The following TMEM237 variants were observed in gnomAD, a reference collection of about 807,000 sequenced individuals.
TMEM237 encodes the protein transmembrane protein 237, also known as amyotrophic lateral sclerosis 2 (juvenile) chromosome region, candidate 4.
Under a neutral mutation model 59.1 loss-of-function variants are expected in TMEM237, and 51 were observed. The observed-to-expected ratio is 0.86, with a 90% CI of 0.69 to 1.09. The LOEUF (loss-of-function observed/expected upper bound fraction) is 1.09, where lower values mean the gene tolerates loss of function less well. Ranked by LOEUF, TMEM237 falls within the 50% of genes least tolerant of loss-of-function variation. The pLI is 0.00. For missense variants in TMEM237, 475 were observed against 478.3 expected, an observed-to-expected ratio of 0.99 and a Z score of 0.06; for synonymous variants, 140 against 166.1, an observed-to-expected ratio of 0.84 and a Z score of 1.21.
chr2:201,634,129 C>T (rs935338579), intron 5 of TMEM237, among the ~76,000 whole-genome samples: 7 of 151,520 alleles, frequency 4.6e-5, no homozygotes, highest in African/African-American at 1.7e-4. Flanking sequence ...ATCCAAGTTC[C>T]CAGATGCCAG....
chr2:201,627,229 C>G (rs918292546), intron 11 of TMEM237, 92 bp downstream of exon 11: 25 of 853,748 alleles, frequency 2.9e-5, no homozygotes, highest in African/African-American at 8.5e-5. Flanking sequence ...AAAAACAGAG[C>G]CTTCATTATT....
At chr2:201,638,697 T>C (rs1414519121) in intron 4 of TMEM237, 2 of 386,542 alleles carry the variant, frequency 5.2e-6, no homozygotes, top group Non-Finnish European at 9.2e-6. Context: ...AAACCATGTA[T>C]GTTGTCTGGG....
rs1475096128 is a variant in TMEM237 at position 201,624,034 on chromosome 2, A to C, written c.*221T>G. ...ACTTTCACTTGCTGGTTTCTAGTTC[A>C]TTATTCCCTTTGTCATTAAGATGAT... On this transcript the variant is annotated 3_prime_UTR_variant, in exon 13 of 13. Coordinates refer to ENST00000409883, the MANE Select transcript of TMEM237 (RefSeq NM_001044385.3). 1 of 382,246 alleles carries C rather than the reference A, an allele frequency of 2.6e-6. No individual in the cohort carries two copies. Among genetic ancestry groups the C allele is most frequent in the East Asian group, 4.2e-5 (1 of 23,972 alleles). The allele number at this position is 382,246 out of a possible 1,614,324, so 23.7% of individuals were successfully genotyped here. A position where few individuals can be genotyped will look rare whatever the true frequency, so the allele number is the denominator to read the frequency against.
chr2:201,642,875 G>A, intron 1 of TMEM237: 1 of 1,335,836 alleles, frequency 7.5e-7, no homozygotes, highest in Non-Finnish European at 9.5e-7. Flanking sequence ...CAGAAATCTG[G>A]CGACCGTGGC....
At chr2:201,632,261 A>G in intron 6 of TMEM237, 53 bp from the exon 7 acceptor site, 1 of 1,592,904 alleles carries the variant, frequency 6.3e-7, no homozygotes, top group South Asian at 1.1e-5. Context: ...TTTTTTACAG[A>G]CTTACATAAG....
chr2:201,626,024 A>T lies in TMEM237; in HGVS notation c.1159+2T>A, dbSNP rs778693371. 6.4e-7 allele frequency: 1 copy of T among 1,571,314 alleles called. No individual in the cohort carries two copies. Among genetic ancestry groups the T allele is most frequent in the Admixed American group, 1.9e-5 (1 of 52,870 alleles). On this transcript the variant is annotated splice_donor_variant, in intron 12 of 12. Transcript: ENST00000409883. LOFTEE classifies it high-confidence loss of function. ...TCTTATGCTATTTTTTTTCTTTAAT[A>T]CCTTCACTAAGATCCATGCCTGGCC... is the stretch of plus-strand genomic sequence containing the variant.
At chr2:201,632,723 G>A (rs775142329) in intron 6 of TMEM237, among the ~76,000 whole-genome samples, 1 of 152,176 alleles carries the variant, frequency 6.6e-6, no homozygotes, top group Non-Finnish European at 1.5e-5. Context: ...GCTGAACTGT[G>A]AGTCAATTAA....
At position 201,636,796 on chromosome 2, in the gene TMEM237, G is replaced by A. The variant is rs367728637; in HGVS notation, c.226C>T (p.Pro76Ser). 17 of 1,592,610 alleles carry A rather than the reference G, an allele frequency of 1.1e-5. No individual in the cohort carries two copies. In the African/African-American group the frequency reaches 1.5e-4, roughly 14 times the overall value. Residue 76 changes from proline to serine, a missense_variant, in exon 5 of 13, where the codon CCA (proline) becomes TCA (serine). By Grantham distance (74) the Pro-to-Ser change is moderately conservative. Coordinates refer to ENST00000409883, the MANE Select transcript of TMEM237 (RefSeq NM_001044385.3). The part of the protein sequence containing the change: ...EPSTKELKEH[P>S]EAPVQRRQKK... ...TGTCTTCTTTGAACAGGAGCCTCTG[G>A]GTGCTCTTTGAGTTCTTTAGTTGAT...
chr2:201,625,576 T>C (rs936533577), intron 12 of TMEM237, among the ~76,000 whole-genome samples: 2 of 151,934 alleles, frequency 1.3e-5, no homozygotes, highest in Admixed American at 1.3e-4. Context: ...GTTAAAAGAG[T>C]ACTAAACACT....
At chr2:201,641,148 T>C (rs555048008) in intron 1 of TMEM237, among the ~76,000 whole-genome samples, 4 of 152,014 alleles carry the variant, frequency 2.6e-5, no homozygotes, top group Non-Finnish European at 4.4e-5. Flanking sequence ...CCCACCACCA[T>C]GCCCGGCTAA....
chr2:201,626,712 T>A (rs540055614), intron 11 of TMEM237, among the ~76,000 whole-genome samples: 3 of 152,300 alleles, frequency 2.0e-5, no homozygotes, highest in African/African-American at 7.2e-5. Context: ...CCCATCACTG[T>A]TCTGGGATAT....
Position 201,627,080 on chromosome 2 carries a change from G to GA in TMEM237, c.1037+240dup, listed in dbSNP as rs35942565. ...GGGTGACACAGCGAGACTCTATCTC[G>GA]AAAAAAAAAAAAACTATAACTTGAA... is the stretch of plus-strand genomic sequence containing the variant. On this transcript the variant is annotated intron_variant, in intron 11 of 12. Transcript: ENST00000409883. Among the ~76,000 whole-genome samples the GA allele has an allele frequency of 1.7e-3, 240 of 143,490 alleles. 1 individual carries two copies. Among genetic ancestry groups the GA allele is most frequent in the African/African-American group, 2.2e-3 (85 of 38,668 alleles). 94.1% of individuals were successfully genotyped at this position (143,490 alleles called of 152,430 possible). A position where few individuals can be genotyped will look rare whatever the true frequency, so the allele number is the denominator to read the frequency against.
At chr2:201,626,359 T>C (rs1957758929) in intron 11 of TMEM237, 1 of 413,716 alleles carries the variant, frequency 2.4e-6, no homozygotes, top group South Asian at 5.3e-5. Context: ...ACAGATCTGC[T>C]GTATACATTC....
chr2:201,642,257 A>C (rs1258189506), intron 1 of TMEM237, among the ~76,000 whole-genome samples: 1 of 152,230 alleles, frequency 6.6e-6, no homozygotes, highest in East Asian at 1.9e-4. Context: ...TTTATTCAAA[A>C]GGGTTAAATT....
At position 201,627,533 on chromosome 2, in the gene TMEM237, T is replaced by C. The variant is rs184286505; in HGVS notation, c.944-119A>G. ...TGACTGATGATATAAAAGAAATTTA[T>C]TTGACCAAATAAATATATTTCAATA... On this transcript the variant is annotated intron_variant, in intron 10 of 12. Transcript: ENST00000409883. The C allele has an allele frequency of 1.1e-5, 7 of 642,606 alleles. No individual in the cohort carries two copies. The Admixed American group carries it at 1.2e-4, about 11-fold the overall frequency. 39.8% of individuals were successfully genotyped at this position (642,606 alleles called of 1,614,324 possible). A position where few individuals can be genotyped will look rare whatever the true frequency, so the allele number is the denominator to read the frequency against.
chr2:201,633,447 A>T lies in TMEM237; in HGVS notation c.275-16T>A, dbSNP rs1464310854. ...GTCTCCAATTCTGAAAACAAAATAA[A>T]TTTAACTTTTCAAATAACTAAAACA... On this transcript the variant is annotated splice_polypyrimidine_tract_variant and intron_variant, in intron 5 of 12. Transcript: ENST00000409883. 6.6e-7 allele frequency: 1 copy of T among 1,508,952 alleles called. No individual in the cohort carries two copies. The highest frequency in any genetic ancestry group is 8.8e-7 in the Non-Finnish European group (1 of 1,130,544). 93.5% of individuals were successfully genotyped at this position (1,508,952 alleles called of 1,614,324 possible).
chr2:201,629,421 C>G lies in TMEM237; in HGVS notation c.678G>C (p.Arg226Ser). The G allele has an allele frequency of 6.4e-7, 1 of 1,553,784 alleles. No individual in the cohort carries two copies. The highest frequency in any genetic ancestry group is 1.4e-5 in the African/African-American group (1 of 72,396). The change falls in exon 9 of 13, where the codon AGG becomes AGC. Residue 226 changes from arginine to serine, a missense_variant and splice_region_variant. Coordinates refer to ENST00000409883, the MANE Select transcript of TMEM237 (RefSeq NM_001044385.3). ...DVALTVHRAF[R>S]MIGLFSHGFL... ...ATCCATGAGAAAAGAGACCAATCAT[C>G]CTGAATGGAAAAGGGTTTGATTATT... is the stretch of plus-strand genomic sequence containing the variant.
chr2:201,643,301 G>A lies in TMEM237; in HGVS notation c.42+58C>T. The A allele has an allele frequency of 6.8e-7, 1 of 1,469,916 alleles. No individual in the cohort carries two copies. The highest frequency in any genetic ancestry group is 2.7e-5 in the East Asian group (1 of 37,260). 91.1% of individuals were successfully genotyped at this position (1,469,916 alleles called of 1,614,324 possible). A position where few individuals can be genotyped will look rare whatever the true frequency, so the allele number is the denominator to read the frequency against. Reference sequence around the variant, plus strand: ...CCCCCCACACACACCCACCCCCACTGCCAAGTGTAGCTGTTTACCCGCCAC... The same window carrying A: ...CCCCCCACACACACCCACCCCCACTACCAAGTGTAGCTGTTTACCCGCCAC... On this transcript the variant is annotated intron_variant, in intron 1 of 12. Transcript: ENST00000409883. The surrounding 1 kb of genome is among the most constrained non-coding windows in gnomAD (Gnocchi z 4.3).
At chr2:201,639,825 A>G (rs1437746230) in intron 3 of TMEM237, among the ~76,000 whole-genome samples, 2 of 152,140 alleles carry the variant, frequency 1.3e-5, no homozygotes, top group African/African-American at 2.4e-5. Flanking sequence ...AGTAGCCTAG[A>G]TTGCTATATC....
Sources: gnomAD v4.1 joint callset for allele counts (sites outside exome capture counted in the v4.1 genomes callset) on GRCh38, gnomAD v4.1.1 for gene constraint, Gnocchi (gnomAD v3.1) non-coding constraint, MANE v1.5 for transcripts, NCBI Gene and HGNC (gene_info 2026-07-23, HGNC 2026-07-21) for gene names.